The following ZNF567 variants were observed in gnomAD, a reference collection of about 807,000 sequenced individuals.
The protein encoded by ZNF567 is zinc finger protein 567.
ZNF567 carries 36 observed loss-of-function variants against 53.9 expected under a neutral mutation model. The observed-to-expected ratio is 0.67, with a 90% CI of 0.51 to 0.88. The LOEUF is 0.88. Among genes scored for constraint, ZNF567 ranks in the 40% least tolerant of loss-of-function variants. The pLI is 0.00. For missense variants in ZNF567, 619 were observed against 764.7 expected (o/e 0.81, Z 2.25); for synonymous variants, 224 against 260.4 (o/e 0.86, Z 1.35).
At chr19:36,692,637 A>C (rs567380990) in intron 2 of ZNF567, among the ~76,000 whole-genome samples, 1 of 152,086 alleles carries the variant, frequency 6.6e-6, no homozygotes, top group East Asian at 1.9e-4. Flanking sequence ...TGTGCTCCCA[A>C]AGTGATGGGA....
At chr19:36,669,969 C>T in the ZNF567 span, among the ~76,000 whole-genome samples, 102,187 of 152,136 alleles carry the variant, frequency 0.67, 34,652 homozygotes, top group East Asian at 0.82. Flanking sequence ...TCTTCCCAGA[C>T]AGTTACCCTG....
chr19:36,716,300 G>A (rs1038267150), intron 5 of ZNF567, among the ~76,000 whole-genome samples: 3 of 152,046 alleles, frequency 2.0e-5, no homozygotes, highest in African/African-American at 7.2e-5. Flanking sequence ...TCATTGTGTT[G>A]TGTTCTCCCT....
chr19:36,723,777 T>C (rs2040322483), downstream of ZNF567, among the ~76,000 whole-genome samples: 1 of 152,032 alleles, frequency 6.6e-6, no homozygotes, highest in Admixed American at 6.5e-5. Flanking sequence ...GAGGTTGCAG[T>C]GAGCCAAGAT....
chr19:36,701,441 G>T (rs1042122110), intron 3 of ZNF567, among the ~76,000 whole-genome samples: 6 of 150,116 alleles, frequency 4.0e-5, no homozygotes, highest in Non-Finnish European at 8.9e-5. Flanking sequence ...TATTAGGTCC[G>T]CTTGGTGCAG....
At chr19:36,687,984 T>TAC (rs1343264774) in intron 1 of ZNF567, among the ~76,000 whole-genome samples, 1 of 152,184 alleles carries the variant, frequency 6.6e-6, no homozygotes, top group East Asian at 1.9e-4. Context: ...TGGCTTTTCG[T>TAC]ACCTGTCCTG....
At chr19:36,707,648 G>C (rs1001754809) in intron 3 of ZNF567, among the ~76,000 whole-genome samples, 1 of 152,132 alleles carries the variant, frequency 6.6e-6, no homozygotes, top group Non-Finnish European at 1.5e-5. Context: ...TGTGATCTCA[G>C]CTCACTGCAA....
intron 3 of ZNF567, among the ~76,000 whole-genome samples, chr19:36,698,264 T>C (rs1280573080): frequency 6.6e-6 from 1 of 152,082 alleles, no homozygotes; most frequent in Non-Finnish European, 1.5e-5. Context: ...TCATCATTTT[T>C]TATGGCTGCA....
At chr19:36,691,605 ACCC>A (rs2038615081) in intron 2 of ZNF567, among the ~76,000 whole-genome samples, 1 of 152,176 alleles carries the variant, frequency 6.6e-6, no homozygotes. Context: ...CACCACCATC[ACCC>A]AAATTTAAAA....
chr19:36,691,131 G>A (rs796850769), intron 2 of ZNF567, among the ~76,000 whole-genome samples: 1 of 152,056 alleles, frequency 6.6e-6, no homozygotes, highest in Admixed American at 6.6e-5. Flanking sequence ...GGGCCTCCAG[G>A]ATACTTTGGA....
chr19:36,724,454 A>G (rs8105197), downstream of ZNF567, among the ~76,000 whole-genome samples: 101,695 of 151,368 alleles, frequency 0.67, 34,503 homozygotes, highest in East Asian at 0.82. Context: ...AGGCTGAGGC[A>G]GTCTGATCAA....
intron 3 of ZNF567, among the ~76,000 whole-genome samples, chr19:36,708,107 G>T (rs2039593902): frequency 6.6e-6 from 1 of 151,586 alleles, no homozygotes; most frequent in Non-Finnish European, 1.5e-5. Context: ...TGTTGCCCAG[G>T]CTGGTCTCCT....
At chr19:36,679,720 C>G in the ZNF567 span, among the ~76,000 whole-genome samples, 1 of 151,894 alleles carries the variant, frequency 6.6e-6, no homozygotes, top group Non-Finnish European at 1.5e-5. Flanking sequence ...TGAAATAAGC[C>G]AGACACAGAG....
intron 2 of ZNF567, among the ~76,000 whole-genome samples, chr19:36,692,555 T>C (rs2038672765): frequency 6.6e-6 from 1 of 152,098 alleles, no homozygotes; most frequent in Non-Finnish European, 1.5e-5. Context: ...TATTTTTATT[T>C]TGTAGAGACA....
At chr19:36,717,601 T>C (rs1193231257) in intron 5 of ZNF567, among the ~76,000 whole-genome samples, 8 of 152,168 alleles carry the variant, frequency 5.3e-5, no homozygotes, top group Admixed American at 4.6e-4. Context: ...ACAGGAGAAA[T>C]TCCTTGTATA....
the ZNF567 span, chr19:36,668,291 C>A: frequency 2.0e-5 from 3 of 152,400 alleles, no homozygotes; most frequent in South Asian, 6.2e-4. Context: ...TCTATATGCC[C>A]GCGTGGGGCT....
Position 36,719,238 on chromosome 19 carries a change from A to C in ZNF567, c.514A>C (p.Thr172Pro). ...TGGATATGGGAAATCACTCCTGAGT[A>C]CTAAACAAGAGACTACTCATCCTGA... Reference protein sequence around the residue: ...YNGYGKSLLSTKQETTHPEVK... With the variant: ...YNGYGKSLLSPKQETTHPEVK... The change falls in exon 6 of 6, where the codon ACT (threonine) becomes CCT (proline). Residue 172 changes from threonine (T) to proline (P), a missense_variant. Coordinates refer to ENST00000682579, the MANE Select transcript of ZNF567 (RefSeq NM_001322917.1). 1 of 1,614,110 alleles carries C rather than the reference A, an allele frequency of 6.2e-7. No homozygotes were observed. The highest frequency in any genetic ancestry group is 8.5e-7 in the Non-Finnish European group (1 of 1,180,006).
chr19:36,680,792 T>G, the ZNF567 span, among the ~76,000 whole-genome samples: 1 of 152,178 alleles, frequency 6.6e-6, no homozygotes. Flanking sequence ...CCTGGCCCCA[T>G]CACTGAGATT....
intron 3 of ZNF567, among the ~76,000 whole-genome samples, chr19:36,707,284 C>T (rs997574664): frequency 1.3e-5 from 2 of 152,086 alleles, no homozygotes; most frequent in African/African-American, 4.8e-5. Context: ...GGTTGGCAAA[C>T]CATTGCATTT....
the ZNF567 span, among the ~76,000 whole-genome samples, chr19:36,667,804 C>T: frequency 1.3e-5 from 2 of 151,794 alleles, no homozygotes; most frequent in African/African-American, 2.4e-5. Flanking sequence ...CGCCCGCCAC[C>T]TCGCCCGGCT....
Sources: gnomAD v4.1 joint callset for allele counts (sites outside exome capture counted in the v4.1 genomes callset) on GRCh38, gnomAD v4.1.1 for gene constraint, MANE v1.5 for transcripts, NCBI Gene and HGNC (gene_info 2026-07-23, HGNC 2026-07-21) for gene names.